COL24A1: variants seen among roughly 807,000 people sequenced by gnomAD.
COL24A1 encodes the protein collagen type XXIV alpha 1 chain, also known as collagen alpha-1(XXIV) chain.
In COL24A1, 224 loss-of-function variants were observed where a neutral mutation model predicts 253.9. That is an observed-to-expected ratio of 0.88 (90% confidence interval 0.79 to 0.99). The LOEUF is 0.99. COL24A1 is among the 50% of genes least tolerant of loss of function. The pLI is 0.00. For missense variants in COL24A1, 2,131 were observed against 2,068.5 expected (o/e 1.03, Z -0.59); for synonymous variants, 685 against 673.7 (o/e 1.02, Z -0.26).
intron 47 of COL24A1, among the ~76,000 whole-genome samples, chr1:85,791,098 C>G (rs1403044951): frequency 6.6e-6 from 1 of 152,126 alleles, no homozygotes; most frequent in African/African-American, 2.4e-5. Flanking sequence ...GCAAGAATAG[C>G]TGCTTGAAAT....
intron 24 of COL24A1, among the ~76,000 whole-genome samples, chr1:85,939,360 C>T (rs1165977398): frequency 2.6e-5 from 4 of 152,112 alleles, no homozygotes; most frequent in African/African-American, 4.8e-5. Context: ...GTTTCAATGT[C>T]TGGGTAAGAA....
In COL24A1 at chr1:85,805,989, T is replaced by C. The variant is rs1238357924; in HGVS notation, c.3951+10799A>G. ...TACTCTGGAGGCTGGAGCAGGAGAA[T>C]GGCATGAACCAAGGGGGCGGAGCTT... On this transcript the variant is annotated intron_variant, in intron 47 of 59. Transcript: ENST00000370571. 3.4e-5 allele frequency among the ~76,000 whole-genome samples: 5 copies of C among 146,548 alleles called. 1 individual carries two copies. In the South Asian group the frequency reaches 6.3e-4, roughly 19 times the overall value.
chr1:85,841,972 T>A, intron 41 of COL24A1, 96 bp downstream of exon 41: 1 of 1,093,144 alleles, frequency 9.1e-7, no homozygotes, highest in Non-Finnish European at 1.4e-6. Flanking sequence ...AAAGTGCTTC[T>A]TTTATTCCTT....
chr1:85,947,664 CTGAT>C (rs1230244507), intron 24 of COL24A1, among the ~76,000 whole-genome samples: 1 of 152,168 alleles, frequency 6.6e-6, no homozygotes, highest in Non-Finnish European at 1.5e-5. Context: ...ATCAGTGTAA[CTGAT>C]TGAACTTCAA....
intron 24 of COL24A1, among the ~76,000 whole-genome samples, chr1:85,921,250 C>G (rs531530563): frequency 1.3e-5 from 2 of 152,198 alleles, no homozygotes; most frequent in African/African-American, 4.8e-5. Flanking sequence ...AGTTTTCCAA[C>G]AGTCTTAGCA....
chr1:86,124,751 G>T, intron 3 of COL24A1, 94 bp downstream of exon 3: 1 of 933,990 alleles, frequency 1.1e-6, no homozygotes, highest in Non-Finnish European at 1.5e-6. Context: ...GTTATGTATT[G>T]TTTGGTCCAG....
chr1:86,146,313 A>G, intron 1 of COL24A1, 130 bp from the exon 2 acceptor site: 4 of 712,928 alleles, frequency 5.6e-6, no homozygotes, highest in Non-Finnish European at 9.0e-6. Flanking sequence ...TTTAATATTC[A>G]TAGTGGTTAA....
rs11325973 is a variant in COL24A1 at position 85,894,546 on chromosome 1, ATT to A, written c.2922+1310_2922+1311del. Among the ~76,000 whole-genome samples, 3 of 151,322 alleles carry A rather than the reference ATT, an allele frequency of 2.0e-5. 1 individual carries two copies. Among genetic ancestry groups the A allele is most frequent in the East Asian group, 3.9e-4 (2 of 5,148 alleles). ...AAGTAATTTTATTTCTCTGGGTCTC[ATT>A]TTTTTTTTAAATGAGAGGGATGAAC... is the stretch of plus-strand genomic sequence containing the variant. On this transcript the variant is annotated intron_variant, in intron 31 of 59. Coordinates refer to ENST00000370571, the MANE Select transcript of COL24A1 (RefSeq NM_152890.7).
At chr1:86,083,968 T>C (rs1702865767) in intron 7 of COL24A1, among the ~76,000 whole-genome samples, 1 of 152,176 alleles carries the variant, frequency 6.6e-6, no homozygotes, top group Non-Finnish European at 1.5e-5. Flanking sequence ...CAACATTAAA[T>C]TTTCTTTCTC....
chr1:86,143,349 G>A (rs559736806), intron 2 of COL24A1, among the ~76,000 whole-genome samples: 63 of 152,210 alleles, frequency 4.1e-4, no homozygotes, highest in Middle Eastern at 3.4e-3. Flanking sequence ...TACTTGGTGC[G>A]TTTGGGGGAA....
At chr1:86,141,222 T>C (rs1651024106) in intron 2 of COL24A1, among the ~76,000 whole-genome samples, 1 of 152,200 alleles carries the variant, frequency 6.6e-6, no homozygotes, top group African/African-American at 2.4e-5. Flanking sequence ...TGATTCATAT[T>C]GCAAAATCCT....
chr1:85,983,346 C>T (rs189045799), intron 20 of COL24A1, among the ~76,000 whole-genome samples: 3 of 151,752 alleles, frequency 2.0e-5, no homozygotes, highest in Non-Finnish European at 4.4e-5. Flanking sequence ...CTCAAAAAGG[C>T]TTACTGATGT....
intron 19 of COL24A1, 68 bp downstream of exon 19, chr1:86,017,083 G>A: frequency 7.2e-7 from 1 of 1,383,456 alleles, no homozygotes; most frequent in Non-Finnish European, 1.0e-6. Context: ...GTTGAAACAT[G>A]TTTTATCAAA....
chr1:86,091,879 A>C (rs1297215036), intron 6 of COL24A1, among the ~76,000 whole-genome samples: 1 of 152,092 alleles, frequency 6.6e-6, no homozygotes, highest in Non-Finnish European at 1.5e-5. Flanking sequence ...AAACATCATA[A>C]AGTATGTGAA....
At chr1:85,791,153 G>T (rs568114887) in intron 47 of COL24A1, among the ~76,000 whole-genome samples, 1 of 152,174 alleles carries the variant, frequency 6.6e-6, no homozygotes, top group East Asian at 1.9e-4. Flanking sequence ...AAAAAAGAAG[G>T]TTCTTTCTTT....
intron 47 of COL24A1, among the ~76,000 whole-genome samples, chr1:85,797,798 G>C (rs1248464569): frequency 6.6e-6 from 1 of 152,180 alleles, no homozygotes; most frequent in Non-Finnish European, 1.5e-5. Flanking sequence ...ACTGTTAGCT[G>C]TGATTATGAC....
At chr1:86,141,577 C>T (rs973948869) in intron 2 of COL24A1, among the ~76,000 whole-genome samples, 2 of 152,182 alleles carry the variant, frequency 1.3e-5, no homozygotes, top group Non-Finnish European at 2.9e-5. Context: ...TCTCTACATG[C>T]CTTAGACATG....
chr1:85,806,670 T>C (rs1280092827), intron 47 of COL24A1, among the ~76,000 whole-genome samples: 1 of 125,478 alleles, frequency 8.0e-6, no homozygotes, highest in Non-Finnish European at 1.9e-5. Flanking sequence ...ACAGGCTGAT[T>C]TGTTCACCAA....
chr1:85,839,079 A>G (rs940775898), intron 42 of COL24A1, among the ~76,000 whole-genome samples: 5 of 151,930 alleles, frequency 3.3e-5, no homozygotes, highest in East Asian at 3.9e-4. Context: ...ATGTGACTAT[A>G]GTCCCAGCTA....
Sources: allele counts gnomAD v4.1 joint callset (sites outside exome capture counted in the v4.1 genomes callset), GRCh38; gene constraint gnomAD v4.1.1; transcripts MANE v1.5; gene names NCBI Gene and HGNC (gene_info 2026-07-23, HGNC 2026-07-21).